The following CEMIP variants were observed in gnomAD, a reference collection of about 807,000 sequenced individuals.
CEMIP encodes the protein cell migration inducing hyaluronidase 1.
A neutral mutation model predicts 156.9 loss-of-function variants in CEMIP; 105 were observed. The ratio of observed to expected loss-of-function variants is 0.67; its 90% CI spans 0.57 to 0.79. CEMIP has a LOEUF of 0.79. Among genes scored for constraint, CEMIP ranks in the 30% least tolerant of loss-of-function variants. The pLI, the probability that CEMIP is intolerant of heterozygous loss-of-function variation, is 0.00. For missense variants in CEMIP, 1,457 were observed against 1,769.4 expected (o/e 0.82, Z 3.17); for synonymous variants, 676 against 668.4 (o/e 1.01, Z -0.17).
intron 1 of CEMIP, among the ~76,000 whole-genome samples, chr15:80,786,317 G>A (rs896264589): frequency 1.3e-5 from 2 of 152,152 alleles, no homozygotes; most frequent in African/African-American, 2.4e-5. Context: ...GTTCCCTGCA[G>A]CCCCAACCTC....
At chr15:80,914,034 G>A (rs1480328377) in intron 14 of CEMIP, among the ~76,000 whole-genome samples, 4 of 152,204 alleles carry the variant, frequency 2.6e-5, no homozygotes, top group African/African-American at 7.2e-5. Flanking sequence ...GCAATGGTTA[G>A]CACCAAAGCT....
chr15:80,801,174 T>A (rs572866607), intron 1 of CEMIP, among the ~76,000 whole-genome samples: 5 of 152,364 alleles, frequency 3.3e-5, no homozygotes, highest in Admixed American at 6.5e-5. Context: ...CAGTAAGCTA[T>A]TGCTGTGTAA....
Position 80,881,113 on chromosome 15 carries a change from A to C in CEMIP, c.594A>C (p.Ser198=). The C allele has an allele frequency of 6.2e-7, 1 of 1,614,224 alleles. No individual in the cohort carries two copies. Among genetic ancestry groups the C allele is most frequent in the Non-Finnish European group, 8.5e-7 (1 of 1,180,026 alleles). ...TTGTTCATGTCATCGACCCCAAATC[A>C]GGCACAGTCATCCATTCTGACCGGT... ...GVIVHVIDPK[S]GTVIHSDRFD... Residue 198 remains serine (S), a synonymous_variant, in exon 6 of 30, where the codon TCA becomes TCC. Coordinates refer to ENST00000394685, the MANE Select transcript of CEMIP (RefSeq NM_001293298.2).
At chr15:80,921,329 T>TGG (rs1168445615) in intron 16 of CEMIP, among the ~76,000 whole-genome samples, 1 of 152,224 alleles carries the variant, frequency 6.6e-6, no homozygotes, top group Non-Finnish European at 1.5e-5. Flanking sequence ...ATAATACTGG[T>TGG]GACCATAGTT....
chr15:80,901,948 T>A (rs1273429144), intron 12 of CEMIP, among the ~76,000 whole-genome samples: 3 of 152,286 alleles, frequency 2.0e-5, no homozygotes, highest in Admixed American at 1.3e-4. Flanking sequence ...AAGATGACTG[T>A]GAGGAACCTG....
At chr15:80,884,407 T>C (rs1898766041) in intron 7 of CEMIP, 53 bp downstream of exon 7, 1 of 1,574,462 alleles carries the variant, frequency 6.4e-7, no homozygotes, top group African/African-American at 1.3e-5. Flanking sequence ...GAAGCCACTC[T>C]ATCCCACTGA....
In CEMIP at chr15:80,889,453, T is replaced by C; in HGVS notation, c.965-18T>C. On this transcript the variant is annotated intron_variant, in intron 9 of 29. Coordinates refer to ENST00000394685, the MANE Select transcript of CEMIP (RefSeq NM_001293298.2). ...CAGACAACCTCCTGTCTGACTGTGC[T>C]GTTTGCTTTCTGCCTAGACGTGGAG... 1 of 1,613,932 alleles carries C rather than the reference T, an allele frequency of 6.2e-7. No individual in the cohort carries two copies. The highest frequency in any genetic ancestry group is 8.5e-7 in the Non-Finnish European group (1 of 1,179,844).
At chr15:80,820,189 C>T (rs2141651141) in intron 1 of CEMIP, among the ~76,000 whole-genome samples, 1 of 152,272 alleles carries the variant, frequency 6.6e-6, no homozygotes, top group Admixed American at 6.5e-5. Context: ...ACTGATTTTC[C>T]TCTATTTAAT....
At position 80,921,018 on chromosome 15, in the gene CEMIP, T is replaced by C; in HGVS notation, c.2004-14T>C. ...CCCTTTATCTGATCTCAGGTATCTC[T>C]GCCCTCCCTGCAGTGCTGTGTCCAC... On this transcript the variant is annotated splice_polypyrimidine_tract_variant and intron_variant, in intron 15 of 29. Transcript: ENST00000394685. 6.2e-7 allele frequency: 1 copy of C among 1,613,746 alleles called. No homozygotes were observed. Among genetic ancestry groups the C allele is most frequent in the Non-Finnish European group, 8.5e-7 (1 of 1,179,608 alleles).
chr15:80,838,313 G>T (rs781665416), intron 1 of CEMIP, among the ~76,000 whole-genome samples: 1 of 152,088 alleles, frequency 6.6e-6, no homozygotes, highest in Non-Finnish European at 1.5e-5. Context: ...CTGCTGGCCC[G>T]TGGGTGATGC....
At chr15:80,939,525 C>T (rs1000620069) in intron 25 of CEMIP, among the ~76,000 whole-genome samples, 3 of 152,194 alleles carry the variant, frequency 2.0e-5, no homozygotes, top group Non-Finnish European at 4.4e-5. Context: ...CTTTCCGGCT[C>T]ATGAGTGAAA....
intron 1 of CEMIP, among the ~76,000 whole-genome samples, chr15:80,789,316 T>A (rs1361582054): frequency 6.6e-6 from 1 of 152,234 alleles, no homozygotes; most frequent in East Asian, 1.9e-4. Flanking sequence ...CTCTTCAGAC[T>A]TGGGATCTGA....
At chr15:80,875,842 G>A (rs1435153507) in intron 3 of CEMIP, among the ~76,000 whole-genome samples, 4 of 152,074 alleles carry the variant, frequency 2.6e-5, no homozygotes, top group Admixed American at 2.6e-4. Context: ...TCACCGAGAG[G>A]AAAATGTCCA....
At chr15:80,873,453 A>G (rs1289800849) in intron 1 of CEMIP, 85 bp from the exon 2 acceptor site, 1 of 279,386 alleles carries the variant, frequency 3.6e-6, no homozygotes, top group Non-Finnish European at 7.0e-6. Context: ...AGATCATCTG[A>G]GATCACACAG....
Position 80,949,068 on chromosome 15 carries a change from G to A in CEMIP, c.*144G>A, listed in dbSNP as rs1410778431. The A allele has an allele frequency of 3.6e-6, 4 of 1,102,490 alleles. No individual in the cohort carries two copies. The highest frequency in any genetic ancestry group is 5.5e-6 in the Non-Finnish European group (4 of 732,864). The allele number at this position is 1,102,490 out of a possible 1,614,324, so 68.3% of individuals were successfully genotyped here. ...TTTCAGCCCTGATGGGCCAAGGGAA[G>A]GCTATCAGAGACCCTGGTGCTGCCA... is the stretch of plus-strand genomic sequence containing the variant. On this transcript the variant is annotated 3_prime_UTR_variant, in exon 30 of 30. Transcript: ENST00000394685.
chr15:80,846,282 T>G (rs559039683), intron 1 of CEMIP, among the ~76,000 whole-genome samples: 1 of 152,152 alleles, frequency 6.6e-6, no homozygotes, highest in Non-Finnish European at 1.5e-5. Context: ...CATTCACTTA[T>G]AGTCACTCAA....
intron 1 of CEMIP, among the ~76,000 whole-genome samples, chr15:80,784,813 G>C (rs1895888149): frequency 6.6e-6 from 1 of 152,156 alleles, no homozygotes; most frequent in Non-Finnish European, 1.5e-5. Flanking sequence ...AGGTGACGCT[G>C]CTGGTGCACA....
rs142022830 is a variant in CEMIP, at chr15:80,934,930, G to T, written c.3009+1470G>T. On this transcript the variant is annotated intron_variant, in intron 23 of 29. Transcript: ENST00000394685. ...AAAGTAACCTCCAGAGAGCGATAAAGATTTGGAAGAGTTGCTGTAGAGAGT... is the reference window on the plus strand; with the variant it reads ...AAAGTAACCTCCAGAGAGCGATAAATATTTGGAAGAGTTGCTGTAGAGAGT... Among the ~76,000 whole-genome samples the T allele has an allele frequency of 1.7e-3, 266 of 152,372 alleles. 1 individual carries two copies. The highest frequency in any genetic ancestry group is 3.1e-3 in the Non-Finnish European group (209 of 68,038).
intron 25 of CEMIP, among the ~76,000 whole-genome samples, chr15:80,939,101 G>C (rs1471121753): frequency 6.6e-6 from 1 of 152,220 alleles, no homozygotes; most frequent in African/African-American, 2.4e-5. Flanking sequence ...AAGCTGGCAG[G>C]GGAAGAGGAA....
Sources: gnomAD v4.1 joint callset for allele counts (sites outside exome capture counted in the v4.1 genomes callset) on GRCh38, gnomAD v4.1.1 for gene constraint, MANE v1.5 for transcripts, NCBI Gene and HGNC (gene_info 2026-07-23, HGNC 2026-07-21) for gene names.